Variants in GPR158 observed in about 807,000 individuals in gnomAD.
The protein encoded by GPR158 is metabotropic glycine receptor.
In GPR158, 30 loss-of-function variants were observed where a neutral mutation model predicts 78.2. The observed-to-expected ratio is 0.38, with a 90% CI of 0.29 to 0.52. The LOEUF is 0.52. Ranked by LOEUF, GPR158 falls within the 20% of genes least tolerant of loss-of-function variation. GPR158 has a pLI of 0.83. For synonymous variants in GPR158, 581 were observed against 591.1 expected (o/e 0.98, Z 0.25); for missense variants, 1,463 against 1,523.5 (o/e 0.96, Z 0.66).
rs1564498202 is a variant in GPR158, at chr10:25,586,390, A to ATTTTTT, written c.1754-2617_1754-2616insTTTTTT. ...CCAGGGTTGTAAGTAGGTATGTGTG[A>ATTTTTT]ATTTTTTTTTTTTTTTTTTTTTTTT... On this transcript the variant is annotated intron_variant, in intron 7 of 10. Transcript: ENST00000376351. Among the ~76,000 whole-genome samples, 3 of 130,942 alleles carry ATTTTTT rather than the reference A, an allele frequency of 2.3e-5. 1 individual carries two copies. Among genetic ancestry groups the ATTTTTT allele is most frequent in the Non-Finnish European group, 3.2e-5 (2 of 61,846 alleles). The allele number at this position is 130,942 out of a possible 152,430, so 85.9% of individuals were successfully genotyped here.
At chr10:25,500,823 T>G (rs1443813391) in intron 5 of GPR158, among the ~76,000 whole-genome samples, 2 of 152,226 alleles carry the variant, frequency 1.3e-5, no homozygotes, top group Non-Finnish European at 2.9e-5. Flanking sequence ...ATTAAACTGC[T>G]GCAAGGTAGA....
chr10:25,366,211 T>C (rs993331226), intron 2 of GPR158, among the ~76,000 whole-genome samples: 2 of 151,654 alleles, frequency 1.3e-5, no homozygotes, highest in Admixed American at 1.3e-4. Context: ...GCATTTATAT[T>C]GGGGCATATC....
At chr10:25,234,847 G>T (rs554381609) in intron 2 of GPR158, among the ~76,000 whole-genome samples, 13 of 152,162 alleles carry the variant, frequency 8.5e-5, no homozygotes, top group Non-Finnish European at 1.0e-4. Flanking sequence ...TTTGTAAGTA[G>T]CAGATTGTGA....
intron 2 of GPR158, among the ~76,000 whole-genome samples, chr10:25,291,735 A>G (rs1854438536): frequency 6.6e-6 from 1 of 152,014 alleles, no homozygotes; most frequent in African/African-American, 2.4e-5. Context: ...TCATAAATGA[A>G]CTCTTCAGAA....
At chr10:25,208,391 G>A (rs1034926103) in intron 1 of GPR158, among the ~76,000 whole-genome samples, 2 of 152,188 alleles carry the variant, frequency 1.3e-5, no homozygotes, top group Non-Finnish European at 2.9e-5. Context: ...CTTTTTAAAA[G>A]TTGATTGACA....
At chr10:25,367,491 A>T (rs1422682473) in intron 2 of GPR158, among the ~76,000 whole-genome samples, 1 of 151,824 alleles carries the variant, frequency 6.6e-6, no homozygotes, top group African/African-American at 2.4e-5. Flanking sequence ...GCATTTATAT[A>T]CACATTTCTA....
At chr10:25,414,670 T>C (rs188976135) in intron 4 of GPR158, among the ~76,000 whole-genome samples, 217 of 152,296 alleles carry the variant, frequency 1.4e-3, no homozygotes, top group Middle Eastern at 0.01. Context: ...TTTAAAGATT[T>C]CCTGTGTCTT....
intron 2 of GPR158, among the ~76,000 whole-genome samples, chr10:25,327,201 C>A (rs1359875223): frequency 2.0e-5 from 3 of 151,692 alleles, no homozygotes; most frequent in Admixed American, 6.6e-5. Flanking sequence ...GAAGAAAAAC[C>A]ACCCTAAATA....
intron 6 of GPR158, among the ~76,000 whole-genome samples, chr10:25,563,954 CA>C (rs2130724037): frequency 6.6e-6 from 1 of 151,788 alleles, no homozygotes; most frequent in African/African-American, 2.4e-5. Context: ...TTGCGTGCCT[CA>C]TTTTTTTTTT....
chr10:25,416,304 C>T (rs946557354), intron 4 of GPR158, among the ~76,000 whole-genome samples: 4 of 152,134 alleles, frequency 2.6e-5, no homozygotes, highest in Non-Finnish European at 5.9e-5. Context: ...ATTAAGTATT[C>T]ATTCATAGGT....
At chr10:25,335,998 C>G (rs1564425477) in intron 2 of GPR158, among the ~76,000 whole-genome samples, 1 of 151,902 alleles carries the variant, frequency 6.6e-6, no homozygotes, top group Non-Finnish European at 1.5e-5. Context: ...ATTGTACATG[C>G]TGAAAATAGT....
intron 4 of GPR158, among the ~76,000 whole-genome samples, chr10:25,433,594 T>C (rs1039679228): frequency 2.0e-5 from 3 of 150,716 alleles, no homozygotes; most frequent in African/African-American, 4.9e-5. Flanking sequence ...CGCGTGCGCA[T>C]ATATGAATGT....
At chr10:25,554,751 C>T (rs907399886) in intron 6 of GPR158, among the ~76,000 whole-genome samples, 3 of 152,056 alleles carry the variant, frequency 2.0e-5, no homozygotes, top group Non-Finnish European at 4.4e-5. Flanking sequence ...AGTTGGGGTT[C>T]GGGGTGAAGT....
At position 25,302,135 on chromosome 10, in the gene GPR158, G is replaced by A. The variant is rs538336493; in HGVS notation, c.1008+80978G>A. ...CGCCCAGGCTGGAGTGCAGTGGTGC[G>A]ATCTCGGCTCACTGCAAGCTCCGCC... is the stretch of plus-strand genomic sequence containing the variant. On this transcript the variant is annotated intron_variant, in intron 2 of 10. Coordinates refer to ENST00000376351, the MANE Select transcript of GPR158 (RefSeq NM_020752.3). Among the ~76,000 whole-genome samples, 234 of 141,722 alleles carry A rather than the reference G, an allele frequency of 1.7e-3. 1 individual carries two copies. Among genetic ancestry groups the A allele is most frequent in the African/African-American group, 6.5e-3 (225 of 34,638 alleles). The allele number at this position is 141,722 out of a possible 152,430, so 93.0% of individuals were successfully genotyped here.
At chr10:25,470,313 G>T (rs1415139902) in intron 5 of GPR158, among the ~76,000 whole-genome samples, 1 of 152,110 alleles carries the variant, frequency 6.6e-6, no homozygotes, top group Non-Finnish European at 1.5e-5. Flanking sequence ...TTTCGGAGGT[G>T]TTTAGAGCCC....
At chr10:25,446,863 A>T (rs1158841954) in intron 4 of GPR158, among the ~76,000 whole-genome samples, 3 of 152,222 alleles carry the variant, frequency 2.0e-5, no homozygotes, top group Admixed American at 6.5e-5. Flanking sequence ...TTGTATCTGT[A>T]GTAATATTTT....
chr10:25,192,968 G>A (rs1260524656), intron 1 of GPR158, among the ~76,000 whole-genome samples: 1 of 152,160 alleles, frequency 6.6e-6, no homozygotes, highest in African/African-American at 2.4e-5. Flanking sequence ...CATGTTTATG[G>A]TAGGCTAGGT....
chr10:25,268,549 T>G (rs1198918064), intron 2 of GPR158, among the ~76,000 whole-genome samples: 4 of 152,120 alleles, frequency 2.6e-5, no homozygotes, highest in Non-Finnish European at 5.9e-5. Flanking sequence ...GAATCGGTAT[T>G]CTCAATGAAC....
chr10:25,303,346 T>C (rs1854626575), intron 2 of GPR158, among the ~76,000 whole-genome samples: 1 of 152,184 alleles, frequency 6.6e-6, no homozygotes, highest in Admixed American at 6.5e-5. Context: ...GAAAGCTCTA[T>C]TGGACGTCAC....
Sources: allele counts gnomAD v4.1 joint callset (sites outside exome capture counted in the v4.1 genomes callset), GRCh38; gene constraint gnomAD v4.1.1; transcripts MANE v1.5; gene names NCBI Gene and HGNC (gene_info 2026-07-23, HGNC 2026-07-21).